The following FMN2 variants were observed in gnomAD, a reference collection of about 807,000 sequenced individuals.
FMN2 encodes formin-2.
In FMN2, 51 loss-of-function variants were observed where a neutral mutation model predicts 142.3. That is an observed-to-expected ratio of 0.36 (90% confidence interval 0.29 to 0.45). FMN2 has a LOEUF of 0.45. FMN2 is among the 20% of genes least tolerant of loss of function. The pLI, the probability that FMN2 is intolerant of heterozygous loss-of-function variation, is 1.00. For missense variants in FMN2, 1,936 were observed against 2,122.8 expected (o/e 0.91, Z 1.73); for synonymous variants, 882 against 869.8 (o/e 1.01, Z -0.25).
intron 15 of FMN2, among the ~76,000 whole-genome samples, chr1:240,434,705 G>A (rs972962068): frequency 4.7e-5 from 7 of 150,150 alleles, no homozygotes; most frequent in Non-Finnish European, 1.0e-4. Flanking sequence ...GGGATTACAG[G>A]CACCCACAAC....
At chr1:240,126,861 C>T (rs546915663) in intron 2 of FMN2, among the ~76,000 whole-genome samples, 2 of 152,084 alleles carry the variant, frequency 1.3e-5, no homozygotes, top group Admixed American at 1.3e-4. Flanking sequence ...ATTAATTGCT[C>T]TCAGATTCTA....
chr1:240,228,350 AGAAAG>A (rs140419824), intron 6 of FMN2, among the ~76,000 whole-genome samples: 23 of 73,080 alleles, frequency 3.1e-4, no homozygotes, highest in African/African-American at 1.1e-3. Context: ...AAAAAGAAAA[AGAAAG>A]AAAAAAAATG....
At chr1:240,415,390 TG>T (rs940274007) in intron 15 of FMN2, among the ~76,000 whole-genome samples, 2 of 151,742 alleles carry the variant, frequency 1.3e-5, no homozygotes, top group African/African-American at 4.8e-5. Flanking sequence ...TGTCAGAGGG[TG>T]GGGGCCTGGG....
At chr1:240,164,027 G>A (rs886071866) in intron 2 of FMN2, among the ~76,000 whole-genome samples, 12 of 151,990 alleles carry the variant, frequency 7.9e-5, no homozygotes, top group South Asian at 4.2e-4. Context: ...ACAGGGGTGC[G>A]TCACCACCCC....
intron 3 of FMN2, among the ~76,000 whole-genome samples, chr1:240,186,934 T>C (rs547298195): frequency 6.6e-6 from 1 of 152,200 alleles, no homozygotes; most frequent in South Asian, 2.1e-4. Flanking sequence ...ATATATCAGC[T>C]ACCATGTGGC....
At chr1:240,285,628 A>G (rs932254759) in intron 7 of FMN2, among the ~76,000 whole-genome samples, 2 of 152,086 alleles carry the variant, frequency 1.3e-5, no homozygotes, top group African/African-American at 4.8e-5. Context: ...CATTAGAAGT[A>G]GGAGGAAGAG....
Position 240,270,161 on chromosome 1 carries a change from T to C in FMN2, c.4153+12129T>C, listed in dbSNP as rs148234651. Among the ~76,000 whole-genome samples the C allele has an allele frequency of 8.2e-3, 1,244 of 152,252 alleles. 19 individuals carry two copies. The highest frequency in any genetic ancestry group is 0.028 in the African/African-American group (1,161 of 41,578). ...TCACCATTGAGTATCCTGTTAGCTC[T>C]TGGCTTATCATATATGGCCTTTATC... On this transcript the variant is annotated intron_variant, in intron 7 of 17. Transcript: ENST00000319653.
At chr1:240,452,862 T>C (rs1676107630) in intron 16 of FMN2, among the ~76,000 whole-genome samples, 1 of 152,224 alleles carries the variant, frequency 6.6e-6, no homozygotes, top group Admixed American at 6.5e-5. Flanking sequence ...CTCATAATTC[T>C]ATACTGAGTA....
intron 2 of FMN2, chr1:240,145,304 A>T: frequency 7.5e-7 from 1 of 1,341,700 alleles, no homozygotes; most frequent in Non-Finnish European, 1.0e-6. Flanking sequence ...CTTCTCATCC[A>T]TGCCGCTGAG....
chr1:240,294,195 C>T (rs73122339), intron 7 of FMN2, among the ~76,000 whole-genome samples: 3,112 of 152,186 alleles, frequency 0.02, 116 homozygotes, highest in African/African-American at 0.071. Flanking sequence ...GCAACAAATG[C>T]GTAAAGAAAA....
intron 14 of FMN2, among the ~76,000 whole-genome samples, chr1:240,368,955 T>TTATATATATATATATATA (rs10671772): frequency 1.1e-4 from 17 of 148,020 alleles, no homozygotes; most frequent in African/African-American, 4.0e-4. Context: ...AACACAATGT[T>TTATATATATATATATATA]TATATATATA....
chr1:240,146,865 A>G (rs529266991), intron 2 of FMN2, among the ~76,000 whole-genome samples: 33 of 152,218 alleles, frequency 2.2e-4, no homozygotes, highest in African/African-American at 7.9e-4. Context: ...GTTGTTACAG[A>G]GTCTGTTCTT....
chr1:240,279,881 T>C (rs1426085816), intron 7 of FMN2, among the ~76,000 whole-genome samples: 1 of 152,178 alleles, frequency 6.6e-6, no homozygotes, highest in Non-Finnish European at 1.5e-5. Context: ...TTTGCATATA[T>C]TAACTACATG....
intron 8 of FMN2, among the ~76,000 whole-genome samples, chr1:240,301,904 A>G (rs940565805): frequency 3.0e-5 from 4 of 131,196 alleles, no homozygotes; most frequent in Non-Finnish European, 3.3e-5. Flanking sequence ...ATTTTTCACC[A>G]CATTTGACAG....
intron 15 of FMN2, among the ~76,000 whole-genome samples, chr1:240,407,084 G>C (rs1674233265): frequency 6.6e-6 from 1 of 151,678 alleles, no homozygotes; most frequent in Non-Finnish European, 1.5e-5. Context: ...CCTACCATTT[G>C]TCTTGAAAGA....
At chr1:240,275,585 A>G (rs747127029) in intron 7 of FMN2, among the ~76,000 whole-genome samples, 4 of 152,112 alleles carry the variant, frequency 2.6e-5, no homozygotes, top group Non-Finnish European at 5.9e-5. Flanking sequence ...AGAATGATTT[A>G]TAATCTTTTG....
intron 6 of FMN2, among the ~76,000 whole-genome samples, chr1:240,226,831 CA>C (rs1667322387): frequency 6.6e-6 from 1 of 150,708 alleles, no homozygotes; most frequent in African/African-American, 2.4e-5. Context: ...CACACACACA[CA>C]CATACACACA....
intron 8 of FMN2, among the ~76,000 whole-genome samples, chr1:240,311,944 C>A (rs982622232): frequency 6.6e-6 from 1 of 152,134 alleles, no homozygotes; most frequent in South Asian, 2.1e-4. Context: ...TCTTGCCTCA[C>A]CCTCTCAAAT....
intron 8 of FMN2, among the ~76,000 whole-genome samples, chr1:240,325,553 G>GAAATATATTT (rs112290126): frequency 0.3 from 45,899 of 151,752 alleles, 6,994 homozygotes; most frequent in South Asian, 0.34. Context: ...CCTAGTGTCA[G>GAAATATATTT]TTAACTCCAA....
Sources: allele counts gnomAD v4.1 joint callset (sites outside exome capture counted in the v4.1 genomes callset), GRCh38; gene constraint gnomAD v4.1.1; transcripts MANE v1.5; gene names NCBI Gene and HGNC (gene_info 2026-07-23, HGNC 2026-07-21).